ZMAT4: variants seen among roughly 807,000 people sequenced by gnomAD.
ZMAT4 encodes the protein zinc finger matrin-type protein 4.
A neutral mutation model predicts 28.7 loss-of-function variants in ZMAT4; 17 were observed. That is an observed-to-expected ratio of 0.59 (90% CI 0.41 to 0.89). The LOEUF (loss-of-function observed/expected upper bound fraction) is 0.89. Among genes scored for constraint, ZMAT4 ranks in the 40% least tolerant of loss-of-function variants. ZMAT4 has a pLI of 0.00. For missense variants in ZMAT4, 240 were observed against 283.8 expected, an observed-to-expected ratio of 0.85 and a Z score of 1.11; for synonymous variants, 117 against 109.2, an observed-to-expected ratio of 1.07 and a Z score of -0.44.
intron 2 of ZMAT4, among the ~76,000 whole-genome samples, chr8:40,773,590 T>G (rs1267205473): frequency 1.3e-5 from 2 of 152,202 alleles, no homozygotes; most frequent in Non-Finnish European, 2.9e-5. Context: ...GCAAAATATT[T>G]ACTACAATAA....
At chr8:40,868,821 G>A (rs567853398) in intron 1 of ZMAT4, among the ~76,000 whole-genome samples, 19 of 152,286 alleles carry the variant, frequency 1.2e-4, no homozygotes, top group African/African-American at 2.6e-4. Context: ...ACACCAGCCA[G>A]CCTCCCTGAC....
At chr8:40,814,428 G>A (rs1217010743) in intron 2 of ZMAT4, among the ~76,000 whole-genome samples, 1 of 152,158 alleles carries the variant, frequency 6.6e-6, no homozygotes, top group Non-Finnish European at 1.5e-5. Context: ...AAGAAAAATT[G>A]TCACAGTCAA....
chr8:40,715,491 A>G (rs930081145), intron 3 of ZMAT4, among the ~76,000 whole-genome samples: 5 of 152,246 alleles, frequency 3.3e-5, no homozygotes, highest in African/African-American at 9.6e-5. Context: ...ATATATATAT[A>G]CATCTGATTA....
intron 2 of ZMAT4, among the ~76,000 whole-genome samples, chr8:40,811,554 G>A (rs554009161): frequency 2.2e-4 from 34 of 152,258 alleles, no homozygotes; most frequent in African/African-American, 6.3e-4. Context: ...GTCTCCACAC[G>A]GTCTCAGAGA....
At chr8:40,797,415 G>T (rs1814646375) in intron 2 of ZMAT4, among the ~76,000 whole-genome samples, 1 of 152,184 alleles carries the variant, frequency 6.6e-6, no homozygotes, top group African/African-American at 2.4e-5. Context: ...CTCAGTGCTT[G>T]GCACATTCTA....
At chr8:40,591,376 C>T (rs1804887872) in intron 5 of ZMAT4, among the ~76,000 whole-genome samples, 1 of 152,220 alleles carries the variant, frequency 6.6e-6, no homozygotes, top group African/African-American at 2.4e-5. Context: ...CATCTCCACC[C>T]TCAAGGTTGC....
At chr8:40,846,314 C>T (rs1816897382) in intron 1 of ZMAT4, among the ~76,000 whole-genome samples, 1 of 152,196 alleles carries the variant, frequency 6.6e-6, no homozygotes, top group African/African-American at 2.4e-5. Context: ...CCCCAGCCCA[C>T]AAGGAAGCCA....
chr8:40,859,037 A>C (rs938520712), intron 1 of ZMAT4, among the ~76,000 whole-genome samples: 2 of 152,220 alleles, frequency 1.3e-5, no homozygotes, highest in African/African-American at 4.8e-5. Flanking sequence ...ATCACCCTTG[A>C]GGAGCAAATA....
intron 1 of ZMAT4, among the ~76,000 whole-genome samples, chr8:40,831,150 C>T (rs1816266401): frequency 6.6e-6 from 1 of 152,148 alleles, no homozygotes; most frequent in Admixed American, 6.5e-5. Context: ...TATAGTCTTT[C>T]TCTTTTGTAT....
At chr8:40,812,166 A>C (rs1284193364) in intron 2 of ZMAT4, among the ~76,000 whole-genome samples, 1 of 152,132 alleles carries the variant, frequency 6.6e-6, no homozygotes, top group Non-Finnish European at 1.5e-5. Context: ...ATGCCTACAT[A>C]CACTGTGCCT....
At chr8:40,667,029 C>T (rs765168079) in intron 5 of ZMAT4, among the ~76,000 whole-genome samples, 15 of 152,016 alleles carry the variant, frequency 9.9e-5, no homozygotes, top group South Asian at 4.2e-4. Flanking sequence ...ACAGACTGCA[C>T]GCATGGCGCC....
At chr8:40,803,371 A>C (rs546028986) in intron 2 of ZMAT4, among the ~76,000 whole-genome samples, 3 of 152,314 alleles carry the variant, frequency 2.0e-5, no homozygotes, top group African/African-American at 7.2e-5. Flanking sequence ...TGTTATCCAA[A>C]ATATGCAAAG....
At chr8:40,644,050 T>C (rs1807183669) in intron 5 of ZMAT4, among the ~76,000 whole-genome samples, 1 of 152,188 alleles carries the variant, frequency 6.6e-6, no homozygotes, top group South Asian at 2.1e-4. Flanking sequence ...ATGAGATTTG[T>C]ATTTTATAAA....
intron 5 of ZMAT4, among the ~76,000 whole-genome samples, chr8:40,628,585 A>G (rs1806459698): frequency 6.6e-6 from 1 of 152,168 alleles, no homozygotes; most frequent in African/African-American, 2.4e-5. Flanking sequence ...GAAACTTGTA[A>G]GTGTAGAAAG....
chr8:40,662,200 C>T (rs1808231685), intron 5 of ZMAT4, among the ~76,000 whole-genome samples: 2 of 151,902 alleles, frequency 1.3e-5, no homozygotes, highest in Non-Finnish European at 2.9e-5. Flanking sequence ...AGGTTGCTCT[C>T]GAATTCCCGT....
intron 3 of ZMAT4, among the ~76,000 whole-genome samples, chr8:40,741,182 T>C (rs939211811): frequency 2.6e-5 from 4 of 152,162 alleles, no homozygotes; most frequent in African/African-American, 9.7e-5. Context: ...TGGTGGCTCA[T>C]GTCTGTAATC....
intron 1 of ZMAT4, among the ~76,000 whole-genome samples, chr8:40,837,874 C>T (rs1043017002): frequency 6.6e-6 from 1 of 152,186 alleles, no homozygotes; most frequent in Non-Finnish European, 1.5e-5. Flanking sequence ...GTACCAGTGG[C>T]ACCTGCCAAG....
At chr8:40,752,902 G>A (rs1812516016) in intron 3 of ZMAT4, among the ~76,000 whole-genome samples, 1 of 151,922 alleles carries the variant, frequency 6.6e-6, no homozygotes, top group Non-Finnish European at 1.5e-5. Flanking sequence ...TTTACTTTAA[G>A]TTCTGGGATA....
At chr8:40,666,019 C>G (rs1808399782) in intron 5 of ZMAT4, among the ~76,000 whole-genome samples, 1 of 152,100 alleles carries the variant, frequency 6.6e-6, no homozygotes, top group East Asian at 1.9e-4. Context: ...AATAAAATAA[C>G]TGTGCATTTT....
Sources: allele counts gnomAD v4.1 joint callset (sites outside exome capture counted in the v4.1 genomes callset), GRCh38; gene constraint gnomAD v4.1.1; transcripts MANE v1.5; gene names NCBI Gene and HGNC (gene_info 2026-07-23, HGNC 2026-07-21).